The following CCDC102B variants were observed in gnomAD, a reference collection of about 807,000 sequenced individuals.
CCDC102B encodes coiled-coil domain containing 102B, also known as coiled-coil domain-containing protein 102B.
A neutral mutation model predicts 57.4 loss-of-function variants in CCDC102B; 75 were observed. The ratio of observed to expected loss-of-function variants is 1.31; its 90% CI spans 1.08 to 1.58. CCDC102B has a LOEUF of 1.58. Among genes scored for constraint, CCDC102B ranks in the 40% most tolerant of loss-of-function variants. The probability of loss-of-function intolerance (pLI) is 0.00; values close to 1 mark genes in which losing one functional copy is unlikely to be tolerated. For synonymous variants in CCDC102B, 206 were observed against 201.9 expected, an observed-to-expected ratio of 1.02 and a Z score of -0.17; for missense variants, 636 against 582.6, an observed-to-expected ratio of 1.09 and a Z score of -0.94.
chr18:69,016,466 A>G (rs1478074899), intron 7 of CCDC102B, among the ~76,000 whole-genome samples: 1 of 152,176 alleles, frequency 6.6e-6, no homozygotes, highest in Non-Finnish European at 1.5e-5. Flanking sequence ...TAAGAATTTT[A>G]TACATTTTAT....
intron 1 of CCDC102B, among the ~76,000 whole-genome samples, chr18:68,826,466 G>A (rs921991030): frequency 2.0e-5 from 3 of 152,168 alleles, no homozygotes; most frequent in Non-Finnish European, 4.4e-5. Context: ...TAGCAGCATA[G>A]AAATCTCATT....
intron 6 of CCDC102B, among the ~76,000 whole-genome samples, chr18:68,986,699 A>AAAC (rs928151310): frequency 2.0e-5 from 3 of 152,070 alleles, no homozygotes; most frequent in Non-Finnish European, 4.4e-5. Context: ...AGAACTGATA[A>AAAC]AACAACAACA....
chr18:68,890,243 G>GT (rs914222596), intron 5 of CCDC102B, among the ~76,000 whole-genome samples: 5 of 147,622 alleles, frequency 3.4e-5, no homozygotes, highest in Non-Finnish European at 6.0e-5. Context: ...TTCTGTTTCT[G>GT]TTTTGTTTTT....
chr18:68,727,782 G>A (rs1012425798), intron 2 of CCDC102B, among the ~76,000 whole-genome samples: 3 of 152,224 alleles, frequency 2.0e-5, no homozygotes, highest in Admixed American at 6.5e-5. Flanking sequence ...GAATAGACCA[G>A]ATTGGCAGCC....
chr18:69,058,036 A>G (rs1267290332), downstream of CCDC102B, among the ~76,000 whole-genome samples: 1 of 151,750 alleles, frequency 6.6e-6, no homozygotes, highest in Non-Finnish European at 1.5e-5. Context: ...TATTATTTTC[A>G]TCTTTATATT....
intron 6 of CCDC102B, among the ~76,000 whole-genome samples, chr18:68,995,837 A>C (rs1004438827): frequency 6.6e-6 from 1 of 152,110 alleles, no homozygotes; most frequent in Admixed American, 6.6e-5. Context: ...AGATCCACTG[A>C]CAGCTTGAAC....
Position 69,054,587 on chromosome 18 carries a change from G to C in CCDC102B, c.*450G>C. On this transcript the variant is annotated 3_prime_UTR_variant, in exon 8 of 8. Transcript: ENST00000360242. ...GTCTATGTGGTGGGGATGGCAGGTT[G>C]TATTAACAAAAATGAATCATTCTAG... The C allele has an allele frequency of 1.0e-6, 1 of 986,190 alleles. No homozygotes were observed. The highest frequency in any genetic ancestry group is 4.7e-5 in the South Asian group (1 of 21,364). The allele number at this position is 986,190 out of a possible 1,614,324, so 61.1% of individuals were successfully genotyped here.
At chr18:68,782,078 G>C (rs534200175) in intron 2 of CCDC102B, among the ~76,000 whole-genome samples, 2 of 152,028 alleles carry the variant, frequency 1.3e-5, no homozygotes, top group Admixed American at 1.3e-4. Context: ...AGAAGCAATA[G>C]CAGTCTTGTT....
intron 2 of CCDC102B, among the ~76,000 whole-genome samples, chr18:68,750,443 G>T (rs1294967195): frequency 3.3e-5 from 5 of 152,132 alleles, no homozygotes; most frequent in Admixed American, 6.5e-5. Flanking sequence ...CCATTAGTGG[G>T]TATATATCCA....
chr18:69,021,997 T>G (rs1016280702), intron 7 of CCDC102B, among the ~76,000 whole-genome samples: 1 of 152,110 alleles, frequency 6.6e-6, no homozygotes, highest in Non-Finnish European at 1.5e-5. Flanking sequence ...TAACTTGACT[T>G]GAAAACCCAA....
In CCDC102B at chr18:69,031,963, AT is replaced by A. The variant is rs563876018; in HGVS notation, c.1434+20869del. Among the ~76,000 whole-genome samples, 20 of 149,678 alleles carry A rather than the reference AT, an allele frequency of 1.3e-4. No homozygotes were observed. In the East Asian group the frequency reaches 1.4e-3, roughly 10 times the overall value. ...TTTAATCTTTGCATTTCTGTCACTGATTTTTTTTTTACATTTTTTTTTCTTT... is the reference window on the plus strand; with the variant it reads ...TTTAATCTTTGCATTTCTGTCACTGATTTTTTTTTACATTTTTTTTTCTTT... On this transcript the variant is annotated intron_variant, in intron 7 of 7. Coordinates refer to ENST00000360242, the MANE Select transcript of CCDC102B (RefSeq NM_024781.3).
At chr18:69,033,497 C>T (rs2052204561) in intron 7 of CCDC102B, among the ~76,000 whole-genome samples, 1 of 152,084 alleles carries the variant, frequency 6.6e-6, no homozygotes, top group Admixed American at 6.6e-5. Flanking sequence ...TCCCTCTTTA[C>T]AGACTTTCCG....
Position 68,897,277 on chromosome 18 carries a change from G to C in CCDC102B, c.1112G>C (p.Arg371Thr), listed in dbSNP as rs117721069. 0.01 allele frequency: 16,315 copies of C among 1,613,072 alleles called. 214 individuals are homozygous for C. Among genetic ancestry groups the C allele is most frequent in the East Asian group, 0.074 (3,335 of 44,868 alleles). ...SEWDKREILE[R>T]EKQGLERENR... ...TGGGACAAGAGGGAAATACTTGAAA[G>C]AGAAAAGCAGGGACTGGAGAGAGAA... The change falls in exon 6 of 8, where the codon AGA (arginine) becomes ACA (threonine). Residue 371 changes from arginine to threonine, a missense_variant. Transcript: ENST00000360242.
chr18:68,830,299 G>T (rs1303073033), intron 1 of CCDC102B, among the ~76,000 whole-genome samples: 1 of 151,910 alleles, frequency 6.6e-6, no homozygotes, highest in African/African-American at 2.4e-5. Flanking sequence ...TGTGCACCAT[G>T]TCTATTAGCC....
intron 5 of CCDC102B, among the ~76,000 whole-genome samples, chr18:68,880,328 G>T (rs536553891): frequency 6.6e-6 from 1 of 152,198 alleles, no homozygotes; most frequent in East Asian, 1.9e-4. Context: ...CGGAACTCCA[G>T]CTGGCCCGCA....
At chr18:69,008,522 A>G (rs1872935309) in intron 6 of CCDC102B, among the ~76,000 whole-genome samples, 1 of 152,234 alleles carries the variant, frequency 6.6e-6, no homozygotes. Context: ...CAGGATTTGC[A>G]GGACAGAAAC....
At position 68,876,898 on chromosome 18, in the gene CCDC102B, A is replaced by AT. The variant is rs1026262700; in HGVS notation, c.1053+2119dup. Among the ~76,000 whole-genome samples, 61 of 152,278 alleles carry AT rather than the reference A, an allele frequency of 4.0e-4. No individual in the cohort carries two copies. The Middle Eastern group carries it at 0.01, about 26-fold the overall frequency. ...AGATAAATACAAGTTTAAATACTCC[A>AT]TTTTTTCAAGAATAAAACTGTTACT... On this transcript the variant is annotated intron_variant, in intron 5 of 7. Coordinates refer to ENST00000360242, the MANE Select transcript of CCDC102B (RefSeq NM_024781.3).
intron 4 of CCDC102B, among the ~76,000 whole-genome samples, chr18:68,861,469 G>A (rs1332549890): frequency 4.6e-5 from 7 of 152,018 alleles, no homozygotes; most frequent in Admixed American, 2.0e-4. Context: ...ACCTGGAAAC[G>A]TATCTTTCAT....
chr18:68,801,915 TAGTC>T (rs1477687225), intron 1 of CCDC102B, among the ~76,000 whole-genome samples: 3 of 152,196 alleles, frequency 2.0e-5, no homozygotes, highest in Non-Finnish European at 4.4e-5. Flanking sequence ...ATAGTCTTAT[TAGTC>T]AGCCTATATT....
Sources: allele counts gnomAD v4.1 joint callset (sites outside exome capture counted in the v4.1 genomes callset), GRCh38; gene constraint gnomAD v4.1.1; transcripts MANE v1.5; gene names NCBI Gene and HGNC (gene_info 2026-07-23, HGNC 2026-07-21).